Variants in OLA1 observed in about 807,000 individuals in gnomAD.
OLA1 encodes obg-like ATPase 1.
OLA1 carries 14 observed loss-of-function variants against 48.4 expected under a neutral mutation model. The ratio of observed to expected loss-of-function variants is 0.29; its 90% CI spans 0.19 to 0.45. The LOEUF (loss-of-function observed/expected upper bound fraction) is 0.45, where lower values mean the gene tolerates loss of function less well. Ranked by LOEUF, OLA1 falls within the 20% of genes least tolerant of loss-of-function variation. The pLI is 1.00. For missense variants in OLA1, 325 were observed against 467.1 expected (o/e 0.70, Z 2.80); for synonymous variants, 127 against 150.4 (o/e 0.84, Z 1.14).
At chr2:174,135,209 TAAA>T (rs1686281003) in intron 5 of OLA1, among the ~76,000 whole-genome samples, 1 of 136,870 alleles carries the variant, frequency 7.3e-6, no homozygotes, top group South Asian at 2.4e-4. Flanking sequence ...ACCAAACAGG[TAAA>T]GTTCTGGTAA....
chr2:174,090,598 C>T (rs1446456582), intron 7 of OLA1, among the ~76,000 whole-genome samples: 1 of 152,096 alleles, frequency 6.6e-6, no homozygotes, highest in Non-Finnish European at 1.5e-5. Context: ...AAAAAGAGAA[C>T]AGAAGAGGCT....
intron 4 of OLA1, among the ~76,000 whole-genome samples, chr2:174,213,573 T>A (rs564096105): frequency 6.6e-6 from 1 of 152,310 alleles, no homozygotes; most frequent in African/African-American, 2.4e-5. Flanking sequence ...AATAGTAAGT[T>A]ATATTGCTTC....
At position 174,123,410 on chromosome 2, in the gene OLA1, G is replaced by A. The variant is rs578114872; in HGVS notation, c.631-133C>T. 4.2e-5 allele frequency: 25 copies of A among 601,884 alleles called. No individual in the cohort carries two copies. The East Asian group carries it at 7.4e-4, about 18-fold the overall frequency. 37.3% of individuals were successfully genotyped at this position (601,884 alleles called of 1,614,324 possible). A position where few individuals can be genotyped will look rare whatever the true frequency, so the allele number is the denominator to read the frequency against. ...ATTTTTATAATTCTTCTTTCCAAAA[G>A]ATTAGTGGTTATGAAATATCATGAG... On this transcript the variant is annotated intron_variant, in intron 6 of 10. Coordinates refer to ENST00000284719, the MANE Select transcript of OLA1 (RefSeq NM_013341.5).
At chr2:174,236,233 T>C (rs1468755191) in intron 2 of OLA1, among the ~76,000 whole-genome samples, 2 of 151,776 alleles carry the variant, frequency 1.3e-5, no homozygotes, top group South Asian at 4.1e-4. Flanking sequence ...TAATGAGAGA[T>C]GAAGTAGCAT....
In OLA1 at chr2:174,208,326, T is replaced by C. The variant is rs531583789; in HGVS notation, c.373+14707A>G. ...ATTAGAAAAGGTCAAGGGTCTACTATAATGCCTATATTTCTACTTTCCCTC... is the reference window on the plus strand; with the variant it reads ...ATTAGAAAAGGTCAAGGGTCTACTACAATGCCTATATTTCTACTTTCCCTC... On this transcript the variant is annotated intron_variant, in intron 4 of 10. Transcript: ENST00000284719. Among the ~76,000 whole-genome samples, 33 of 152,320 alleles carry C rather than the reference T, an allele frequency of 2.2e-4. No individual in the cohort carries two copies. In the South Asian group the frequency reaches 5.6e-3, roughly 26 times the overall value.
chr2:174,220,795 G>T (rs550951857), intron 4 of OLA1, among the ~76,000 whole-genome samples: 1 of 152,240 alleles, frequency 6.6e-6, no homozygotes, highest in South Asian at 2.1e-4. Flanking sequence ...CAAATTAATG[G>T]AGAGAAACAT....
chr2:174,110,340 C>T (rs557883873), intron 7 of OLA1, among the ~76,000 whole-genome samples: 11 of 131,364 alleles, frequency 8.4e-5, no homozygotes, highest in African/African-American at 2.9e-4. Context: ...TTAGTAGAGA[C>T]GAGTTTTCAA....
At chr2:174,186,669 AT>A (rs139839935) in intron 4 of OLA1, among the ~76,000 whole-genome samples, 2 of 151,156 alleles carry the variant, frequency 1.3e-5, no homozygotes, top group Non-Finnish European at 2.9e-5. Flanking sequence ...ATTACTCGCT[AT>A]TTTTTTTTGC....
At chr2:174,076,430 T>G (rs1403915009) in intron 10 of OLA1, among the ~76,000 whole-genome samples, 1 of 152,164 alleles carries the variant, frequency 6.6e-6, no homozygotes, top group African/African-American at 2.4e-5. Flanking sequence ...GGGGAAATTC[T>G]CAAAAGTTTT....
At chr2:174,136,811 A>G (rs900728172) in intron 5 of OLA1, among the ~76,000 whole-genome samples, 2 of 151,798 alleles carry the variant, frequency 1.3e-5, no homozygotes, top group Non-Finnish European at 2.9e-5. Flanking sequence ...AGCTAGGATT[A>G]CAGGCACATG....
intron 5 of OLA1, among the ~76,000 whole-genome samples, chr2:174,129,665 C>A (rs147093343): frequency 6.6e-6 from 1 of 152,090 alleles, no homozygotes; most frequent in Non-Finnish European, 1.5e-5. Context: ...TTTTCCCTTT[C>A]TGCCTTCTTT....
intron 7 of OLA1, among the ~76,000 whole-genome samples, chr2:174,113,042 G>A (rs1685692137): frequency 6.6e-6 from 1 of 152,086 alleles, no homozygotes; most frequent in Non-Finnish European, 1.5e-5. Flanking sequence ...CCAGGCTCAA[G>A]CGATTCTCCT....
At chr2:174,200,206 G>C (rs1687960859) in intron 4 of OLA1, among the ~76,000 whole-genome samples, 1 of 152,050 alleles carries the variant, frequency 6.6e-6, no homozygotes, top group South Asian at 2.1e-4. Context: ...ACAAGGTTTT[G>C]AGAGCCCTTA....
chr2:174,185,227 A>C (rs1687629387), intron 4 of OLA1, among the ~76,000 whole-genome samples: 1 of 152,222 alleles, frequency 6.6e-6, no homozygotes, highest in Non-Finnish European at 1.5e-5. Flanking sequence ...CAATGTCTTG[A>C]GATCCAGTCC....
chr2:174,224,195 T>C (rs894111129), intron 3 of OLA1, among the ~76,000 whole-genome samples: 2 of 152,216 alleles, frequency 1.3e-5, no homozygotes, highest in African/African-American at 4.8e-5. Flanking sequence ...TACTTGATTA[T>C]TGTTACCACC....
chr2:174,093,196 C>A (rs529051957), intron 7 of OLA1, among the ~76,000 whole-genome samples: 27 of 152,252 alleles, frequency 1.8e-4, no homozygotes, highest in African/African-American at 6.0e-4. Context: ...CGCCTGTAAT[C>A]CCAGCATTTT....
intron 7 of OLA1, among the ~76,000 whole-genome samples, chr2:174,110,085 C>T (rs1423174526): frequency 7.1e-6 from 1 of 140,660 alleles, no homozygotes; most frequent in African/African-American, 2.6e-5. Flanking sequence ...TGTTAGTTTG[C>T]TAAGGATTTT....
chr2:174,167,844 C>G (rs1205649963), intron 4 of OLA1, among the ~76,000 whole-genome samples: 1 of 152,170 alleles, frequency 6.6e-6, no homozygotes, highest in Non-Finnish European at 1.5e-5. Flanking sequence ...ATAAGAAGTA[C>G]TACTGACTTA....
chr2:174,211,203 A>ACT (rs1158165339), intron 4 of OLA1, among the ~76,000 whole-genome samples: 3 of 126,332 alleles, frequency 2.4e-5, no homozygotes, highest in South Asian at 5.2e-4. Context: ...ACACACACAC[A>ACT]CACTCTCTCT....
Sources: gnomAD v4.1 joint callset for allele counts (sites outside exome capture counted in the v4.1 genomes callset) on GRCh38, gnomAD v4.1.1 for gene constraint, MANE v1.5 for transcripts, NCBI Gene and HGNC (gene_info 2026-07-23, HGNC 2026-07-21) for gene names.